The following PRKDC variants were observed in gnomAD, a reference collection of about 807,000 sequenced individuals.
The protein encoded by PRKDC is DNA-dependent protein kinase catalytic subunit.
Under a neutral mutation model 486.9 loss-of-function variants are expected in PRKDC, and 82 were observed. The ratio of observed to expected loss-of-function variants is 0.17; its 90% CI spans 0.14 to 0.20. The LOEUF is 0.20. Among genes scored for constraint, PRKDC ranks in the 10% least tolerant of loss-of-function variants. The probability of loss-of-function intolerance (pLI) is 1.00; values close to 1 mark genes in which losing one functional copy is unlikely to be tolerated. For synonymous variants in PRKDC, 1,895 were observed against 1,837.0 expected, an observed-to-expected ratio of 1.03 and a Z score of -0.81; for missense variants, 4,504 against 5,038.2, an observed-to-expected ratio of 0.89 and a Z score of 3.21.
rs536671218 is a variant in PRKDC at position 47,814,545 on chromosome 8, TG to T, written c.9557+2904del. Among the ~76,000 whole-genome samples the T allele has an allele frequency of 8.6e-4, 131 of 152,222 alleles. 3 individuals carry two copies. The highest frequency in any genetic ancestry group is 6.9e-3 in the East Asian group (36 of 5,184). ...AGCAATTACATTAGCAGCAAATAATTGGAAAATAATACAATTTTAAAAATAA... is the reference window on the plus strand; with the variant it reads ...AGCAATTACATTAGCAGCAAATAATTGAAAATAATACAATTTTAAAAATAA... On this transcript the variant is annotated intron_variant, in intron 68 of 85. Transcript: ENST00000314191.
chr8:47,850,224 T>G (rs1039471245), intron 52 of PRKDC, among the ~76,000 whole-genome samples: 1 of 152,106 alleles, frequency 6.6e-6, no homozygotes, highest in Admixed American at 6.5e-5. Context: ...CTCACCTCCT[T>G]CCTCACAAAC....
Position 47,904,898 on chromosome 8 carries a change from C to T in PRKDC, c.3013G>A (p.Asp1005Asn). 1.2e-6 allele frequency: 2 copies of T among 1,612,662 alleles called. No individual in the cohort carries two copies. Among genetic ancestry groups the T allele is most frequent in the Non-Finnish European group, 1.7e-6 (2 of 1,178,866 alleles). Residue 1005 changes from aspartate to asparagine, a missense_variant, in exon 26 of 86, where the codon GAT becomes AAT. This residue lies in a region of PRKDC where 1,969 missense variants were observed against 2,068.9 expected (regional missense o/e 0.95). Coordinates refer to ENST00000314191, the MANE Select transcript of PRKDC (RefSeq NM_006904.7). ...ATAGCTTCTAGTAAGGCAACAGTAT[C>T]CTGACTTTCAAATTTCTTGTTGTTA... The part of the protein sequence containing the change: ...FTNNKKFESQ[D>N]TVALLEAILD...
At chr8:47,859,424 T>A (rs1307539684) in intron 46 of PRKDC, among the ~76,000 whole-genome samples, 187 bp downstream of exon 46, 1 of 152,224 alleles carries the variant, frequency 6.6e-6, no homozygotes, top group Non-Finnish European at 1.5e-5. Flanking sequence ...TGATGATATC[T>A]GACTGCTGAG....
At chr8:47,778,967 A>G in intron 81 of PRKDC, 37 bp downstream of exon 81, 1 of 1,499,030 alleles carries the variant, frequency 6.7e-7, no homozygotes, top group Non-Finnish European at 9.0e-7. Context: ...AGAAGAATGA[A>G]CTAACTAATA....
intron 30 of PRKDC, among the ~76,000 whole-genome samples, chr8:47,896,353 G>A (rs2089580657): frequency 1.3e-5 from 2 of 151,924 alleles, no homozygotes; most frequent in East Asian, 3.9e-4. Context: ...AGCCCAGACA[G>A]AACTCCACCC....
intron 70 of PRKDC, among the ~76,000 whole-genome samples, chr8:47,802,372 C>T (rs1279250110): frequency 6.6e-6 from 1 of 152,184 alleles, no homozygotes; most frequent in Non-Finnish European, 1.5e-5. Flanking sequence ...CTAGCACACA[C>T]CCTCAGACAC....
chr8:47,878,429 T>G (rs114334958), intron 39 of PRKDC, among the ~76,000 whole-genome samples: 2,583 of 152,224 alleles, frequency 0.017, 69 homozygotes, highest in African/African-American at 0.059. Context: ...GTTTTGCAGA[T>G]GCTACTCTTC....
At chr8:47,947,105 G>A (rs1410162376) in intron 7 of PRKDC, among the ~76,000 whole-genome samples, 1 of 152,170 alleles carries the variant, frequency 6.6e-6, no homozygotes, top group Non-Finnish European at 1.5e-5. Context: ...AGCTCTTGTG[G>A]ACCCTCGGAC....
intron 21 of PRKDC, among the ~76,000 whole-genome samples, chr8:47,919,162 C>T (rs2090034771): frequency 6.6e-6 from 1 of 152,160 alleles, no homozygotes; most frequent in South Asian, 2.1e-4. Flanking sequence ...CAGCACCACT[C>T]CGAGTTCAGC....
Position 47,774,057 on chromosome 8 carries a change from CAA to C in PRKDC, c.*114_*115del, listed in dbSNP as rs368598042. 9.8e-5 allele frequency: 106 copies of C among 1,083,616 alleles called. 1 individual carries two copies. In the Middle Eastern group the frequency reaches 2.8e-3, roughly 28 times the overall value. 67.1% of individuals were successfully genotyped at this position (1,083,616 alleles called of 1,614,324 possible). A position where few individuals can be genotyped will look rare whatever the true frequency, so the allele number is the denominator to read the frequency against. Reference sequence around the variant, plus strand: ...AAACTCATGCTACGAAACTGTAGCACAAAAGACATTTCTCTTTAGTGTTTCAG... The same window carrying C: ...AAACTCATGCTACGAAACTGTAGCACAAGACATTTCTCTTTAGTGTTTCAG... On this transcript the variant is annotated 3_prime_UTR_variant, in exon 86 of 86. Transcript: ENST00000314191.
chr8:47,788,683 ACT>A (rs2086833687), intron 76 of PRKDC, among the ~76,000 whole-genome samples: 1 of 152,228 alleles, frequency 6.6e-6, no homozygotes, highest in South Asian at 2.1e-4. Context: ...GTGTAATGAA[ACT>A]CTGAGGTTTT....
At position 47,782,619 on chromosome 8, in the gene PRKDC, T is replaced by C. The variant is rs1589691936; in HGVS notation, c.11176-21A>G. The stretch of plus-strand genomic sequence containing the variant: ...GTCACCTTCAAAAATCAGAATGTCA[T>C]CTCAGGGCACAGGCTAGCCACGTGT... On this transcript the variant is annotated intron_variant, in intron 78 of 85. Coordinates refer to ENST00000314191, the MANE Select transcript of PRKDC (RefSeq NM_006904.7). The surrounding 1 kb of genome is among the most constrained non-coding windows in gnomAD (Gnocchi z 4.9). 1 of 1,549,924 alleles carries C rather than the reference T, an allele frequency of 6.5e-7. No homozygotes were observed. Among genetic ancestry groups the C allele is most frequent in the East Asian group, 2.4e-5 (1 of 41,016 alleles).
At chr8:47,877,627 T>C in intron 40 of PRKDC, 97 bp downstream of exon 40, 1 of 1,235,676 alleles carries the variant, frequency 8.1e-7, no homozygotes, top group African/African-American at 1.5e-5. Context: ...AGCAAGAATA[T>C]AATTGCCACT....
intron 62 of PRKDC, 95 bp downstream of exon 62, chr8:47,828,073 C>A: frequency 8.2e-7 from 1 of 1,218,450 alleles, no homozygotes; most frequent in Non-Finnish European, 1.1e-6. Context: ...ACCAGGTTAT[C>A]AAGAGTCTCA....
chr8:47,890,337 T>C lies in PRKDC; in HGVS notation c.3991A>G (p.Asn1331Asp). ...RTSPQEGERY[N>D]YSKCTVVVRI... ...ACCACAACGGTGCATTTGCTGTAGT[T>C]GTACCTTTCTCCCTCTTGTGGGCTT... The change falls in exon 32 of 86, where the codon AAC becomes GAC. Residue 1331 changes from asparagine (N) to aspartate (D), a missense_variant. Around this residue, in one of 6 missense-constraint regions of PRKDC, gnomAD observed 1,969 missense variants for 2,068.9 expected, o/e 0.95. Coordinates refer to ENST00000314191, the MANE Select transcript of PRKDC (RefSeq NM_006904.7). 6.2e-7 allele frequency: 1 copy of C among 1,613,596 alleles called. No homozygotes were observed.
At chr8:47,832,057 T>G (rs1350179146) in intron 59 of PRKDC, 131 bp from the exon 60 acceptor site, 3 of 736,604 alleles carry the variant, frequency 4.1e-6, no homozygotes, top group Non-Finnish European at 6.9e-6. Flanking sequence ...GGAGCAGGAG[T>G]GCAGGGGCCA....
At chr8:47,840,512 T>C (rs549849433) in intron 54 of PRKDC, among the ~76,000 whole-genome samples, 1 of 152,276 alleles carries the variant, frequency 6.6e-6, no homozygotes, top group South Asian at 2.1e-4. Flanking sequence ...ACCAAGATTA[T>C]GTAAGGGGGA....
intron 52 of PRKDC, among the ~76,000 whole-genome samples, chr8:47,852,159 C>T (rs2088421872): frequency 6.6e-6 from 1 of 152,158 alleles, no homozygotes; most frequent in Non-Finnish European, 1.5e-5. Context: ...CTTCTTCATT[C>T]AGTCCTCTTA....
intron 60 of PRKDC, among the ~76,000 whole-genome samples, chr8:47,831,610 C>A (rs2087876848): frequency 6.6e-6 from 1 of 152,094 alleles, no homozygotes; most frequent in Admixed American, 6.5e-5. Flanking sequence ...GCGGAGAGAA[C>A]TGGGCGCACT....
Sources: allele counts gnomAD v4.1 joint callset (sites outside exome capture counted in the v4.1 genomes callset), GRCh38; gene constraint gnomAD v4.1.1; regional missense constraint gnomAD v4.1.1; non-coding constraint Gnocchi (gnomAD v3.1); transcripts MANE v1.5; gene names NCBI Gene and HGNC (gene_info 2026-07-23, HGNC 2026-07-21).